Variants in FXR2 observed in about 807,000 individuals in gnomAD.
FXR2 encodes RNA-binding protein FXR2.
Under a neutral mutation model 87.3 loss-of-function variants are expected in FXR2, and 9 were observed. The ratio of observed to expected loss-of-function variants is 0.10; its 90% CI spans 0.06 to 0.18. The LOEUF (loss-of-function observed/expected upper bound fraction) is 0.18. Among genes scored for constraint, FXR2 ranks in the 10% least tolerant of loss-of-function variants. The pLI is 1.00. For missense variants in FXR2, 661 were observed against 893.6 expected, an observed-to-expected ratio of 0.74 and a Z score of 3.32; for synonymous variants, 331 against 328.3, an observed-to-expected ratio of 1.01 and a Z score of -0.09.
Position 7,594,821 on chromosome 17 carries a change from G to A in FXR2, c.832-64C>T, listed in dbSNP as rs1030814553. On this transcript the variant is annotated intron_variant, in intron 8 of 16. Transcript: ENST00000250113. This position sits in a 1 kb window ranked among gnomAD's most constrained non-coding sequence, Gnocchi z 5.1. The stretch of plus-strand genomic sequence containing the variant: ...AGACCAGCTGGATGTGGTGGCTCAC[G>A]CCTGTAATCCCAGCACTTTGGGAGG... 54 of 982,820 alleles carry A rather than the reference G, an allele frequency of 5.5e-5. No homozygotes were observed. The East Asian group carries it at 1.0e-3, about 19-fold the overall frequency. 60.9% of individuals were successfully genotyped at this position (982,820 alleles called of 1,614,324 possible). A position where few individuals can be genotyped will look rare whatever the true frequency, so the allele number is the denominator to read the frequency against.
At chr17:7,607,299 C>T (rs1226028423) in intron 1 of FXR2, among the ~76,000 whole-genome samples, 2 of 138,388 alleles carry the variant, frequency 1.4e-5, no homozygotes, top group Non-Finnish European at 3.1e-5. Context: ...GCCTGGGCAA[C>T]AAGAGCAAAA....
chr17:7,614,513 C>A lies in FXR2; in HGVS notation c.20G>T (p.Gly7Val), dbSNP rs372022316. ...GGGCAGTCCCGGCTCCACATCCCCC[C>A]CAGAGGCCAGGCCGCCCATGGCGCC... MGGLASGGDVEPGLPVE... is the reference protein window; with the variant it reads MGGLASVGDVEPGLPVE... Residue 7 changes from glycine to valine, a missense_variant, in exon 1 of 17, where the codon GGG becomes GTG. Coordinates refer to ENST00000250113, the MANE Select transcript of FXR2 (RefSeq NM_004860.4). 23 of 1,514,456 alleles carry A rather than the reference C, an allele frequency of 1.5e-5. No homozygotes were observed. Among genetic ancestry groups the A allele is most frequent in the African/African-American group, 2.9e-5 (2 of 70,152 alleles). The allele number at this position is 1,514,456 out of a possible 1,614,324, so 93.8% of individuals were successfully genotyped here. A position where few individuals can be genotyped will look rare whatever the true frequency, so the allele number is the denominator to read the frequency against.
At position 7,598,116 on chromosome 17, in the gene FXR2, GC is replaced by G. The variant is rs566372014; in HGVS notation, c.661-2123del. Among the ~76,000 whole-genome samples, 26 of 151,944 alleles carry G rather than the reference GC, an allele frequency of 1.7e-4. No individual in the cohort carries two copies. In the South Asian group the frequency reaches 3.9e-3, roughly 23 times the overall value. On this transcript the variant is annotated intron_variant, in intron 7 of 16. Coordinates refer to ENST00000250113, the MANE Select transcript of FXR2 (RefSeq NM_004860.4). ...GTGCTCTGTTCCTGCTTCCATTCTT[GC>G]CCCCCTTTCCATCTGTCATTGAAAC... is the stretch of plus-strand genomic sequence containing the variant.
At chr17:7,604,249 T>C (rs1373288522) in intron 3 of FXR2, among the ~76,000 whole-genome samples, 169 bp from the exon 4 acceptor site, 6 of 151,244 alleles carry the variant, frequency 4.0e-5, no homozygotes, top group Admixed American at 2.6e-4. Flanking sequence ...TTGGGCAACA[T>C]AAACAATAGA....
At chr17:7,596,139 C>G in intron 7 of FXR2, 145 bp from the exon 8 acceptor site, 2 of 665,576 alleles carry the variant, frequency 3.0e-6, no homozygotes, top group Non-Finnish European at 5.3e-6. Context: ...CCACGAGGAC[C>G]TGTGTGGAAA....
Position 7,594,171 on chromosome 17 carries a change from C to T in FXR2, c.1020+67G>A. 1.0e-6 allele frequency: 1 copy of T among 989,508 alleles called. No homozygotes were observed. The highest frequency in any genetic ancestry group is 1.6e-6 in the Non-Finnish European group (1 of 622,550). 61.3% of individuals were successfully genotyped at this position (989,508 alleles called of 1,614,324 possible). On this transcript the variant is annotated intron_variant, in intron 10 of 16. Transcript: ENST00000250113. This position sits in a 1 kb window ranked among gnomAD's most constrained non-coding sequence, Gnocchi z 5.1. Reference sequence around the variant, plus strand: ...CCACCCTCTCAAAGAACAATCCCAGCCCTCAGAGGACAATCCCATTTACTT... The same window carrying T: ...CCACCCTCTCAAAGAACAATCCCAGTCCTCAGAGGACAATCCCATTTACTT...
chr17:7,593,647 G>C lies in FXR2; in HGVS notation c.1108-22C>G. The stretch of plus-strand genomic sequence containing the variant: ...CCTCCTGGTTGGGTAAAAGATGGAA[G>C]AAGGGGAAGGAGAAATAAGATCAGT... On this transcript the variant is annotated intron_variant, in intron 11 of 16. Transcript: ENST00000250113. The surrounding 1 kb of genome is among the most constrained non-coding windows in gnomAD (Gnocchi z 6.1). 1 of 1,486,596 alleles carries C rather than the reference G, an allele frequency of 6.7e-7. No homozygotes were observed. The highest frequency in any genetic ancestry group is 9.2e-7 in the Non-Finnish European group (1 of 1,087,834). 92.1% of individuals were successfully genotyped at this position (1,486,596 alleles called of 1,614,324 possible). A position where few individuals can be genotyped will look rare whatever the true frequency, so the allele number is the denominator to read the frequency against.
At chr17:7,609,206 G>C (rs1307113840) in intron 1 of FXR2, among the ~76,000 whole-genome samples, 2 of 152,220 alleles carry the variant, frequency 1.3e-5, no homozygotes, top group Non-Finnish European at 2.9e-5. Context: ...AGGGACAAAG[G>C]CTAAGCTTAG....
chr17:7,605,419 ATGT>A (rs2071795130), intron 3 of FXR2, among the ~76,000 whole-genome samples: 1 of 152,196 alleles, frequency 6.6e-6, no homozygotes, highest in East Asian at 1.9e-4. Context: ...TGGATTTTAG[ATGT>A]TGTTACCATA....
rs892306510 is a variant in FXR2 at position 7,595,117 on chromosome 17, A to T, written c.832-360T>A. ...CAGAGTGAGTTAGACTCCATCTCATAAAAAAAAAAAATTAAACAAATAAAT... is the reference window on the plus strand; with the variant it reads ...CAGAGTGAGTTAGACTCCATCTCATTAAAAAAAAAAATTAAACAAATAAAT... On this transcript the variant is annotated intron_variant, in intron 8 of 16. Transcript: ENST00000250113. This position sits in a 1 kb window ranked among gnomAD's most constrained non-coding sequence, Gnocchi z 4.7. 6.8e-6 allele frequency among the ~76,000 whole-genome samples: 1 copy of T among 146,318 alleles called. No homozygotes were observed. The highest frequency in any genetic ancestry group is 1.5e-5 in the Non-Finnish European group (1 of 66,286).
chr17:7,603,670 G>T, intron 5 of FXR2, 87 bp downstream of exon 5: 1 of 1,340,476 alleles, frequency 7.5e-7, no homozygotes, highest in African/African-American at 1.4e-5. Context: ...AGAGAAAACT[G>T]CAAAGTGGGA....
At chr17:7,605,184 C>A (rs1487136257) in intron 3 of FXR2, among the ~76,000 whole-genome samples, 2 of 143,196 alleles carry the variant, frequency 1.4e-5, no homozygotes, top group Non-Finnish European at 2.9e-5. Context: ...GCCTGGCCAA[C>A]ATGGTGAAAC....
rs2071797152 is a variant in FXR2, at chr17:7,605,639, C to A, written c.228+6G>T. 1 of 1,408,090 alleles carries A rather than the reference C, an allele frequency of 7.1e-7. No homozygotes were observed. Among genetic ancestry groups the A allele is most frequent in the African/African-American group, 1.4e-5 (1 of 71,200 alleles). 87.2% of individuals were successfully genotyped at this position (1,408,090 alleles called of 1,614,324 possible). A position where few individuals can be genotyped will look rare whatever the true frequency, so the allele number is the denominator to read the frequency against. On this transcript the variant is annotated splice_donor_region_variant and intron_variant, in intron 3 of 16. Transcript: ENST00000250113. ...CATTTAGAAAGGTGTACTCCACAGCCCTTACCTCCACTTCATCCCCTTCTG... is the reference window on the plus strand; with the variant it reads ...CATTTAGAAAGGTGTACTCCACAGCACTTACCTCCACTTCATCCCCTTCTG...
At chr17:7,610,006 A>ATG (rs36196110) in intron 1 of FXR2, among the ~76,000 whole-genome samples, 3,115 of 95,656 alleles carry the variant, frequency 0.033, 112 homozygotes, top group South Asian at 0.1. Context: ...ATATGTATAC[A>ATG]TATATATATA....
rs1185333649 is a variant in FXR2 at position 7,594,273 on chromosome 17, C to T, written c.985G>A (p.Glu329Lys). Reference protein sequence around the residue: ...DKSGVVRVRVEGDNDKKNPRE... With the variant: ...DKSGVVRVRVKGDNDKKNPRE... ...GGGTTCTTCTTGTCATTATCACCTT[C>T]CACTCGAACCCTCACCACACCAGAT... The change falls in exon 10 of 17, where the codon GAA (glutamate) becomes AAA (lysine). Residue 329 changes from glutamate (E) to lysine (K), a missense_variant. This residue lies in a region of FXR2 where 82 missense variants were observed against 214.4 expected (regional missense o/e 0.38). Transcript: ENST00000250113. This position sits in a 1 kb window ranked among gnomAD's most constrained non-coding sequence, Gnocchi z 5.1. The T allele has an allele frequency of 1.2e-6, 2 of 1,611,580 alleles. No homozygotes were observed. Among genetic ancestry groups the T allele is most frequent in the African/African-American group, 2.7e-5 (2 of 75,002 alleles).
chr17:7,604,087 AAAAGT>A lies in FXR2; in HGVS notation c.229-12_229-8del. On this transcript the variant is annotated splice_region_variant and splice_polypyrimidine_tract_variant and intron_variant, in intron 3 of 16. Coordinates refer to ENST00000250113, the MANE Select transcript of FXR2 (RefSeq NM_004860.4). Reference sequence around the variant, plus strand: ...CATTGGCTCGAGAATAAACCTAAAGAAAAGTAGAGAATCAAAGAGATATTGAAGAC... The same window carrying A: ...CATTGGCTCGAGAATAAACCTAAAGAAGAGAATCAAAGAGATATTGAAGAC... 6.4e-7 allele frequency: 1 copy of A among 1,556,674 alleles called. No individual in the cohort carries two copies. The highest frequency in any genetic ancestry group is 8.7e-7 in the Non-Finnish European group (1 of 1,149,266).
intron 4 of FXR2, 49 bp from the exon 5 acceptor site, chr17:7,603,954 C>T: frequency 6.2e-7 from 1 of 1,610,530 alleles, no homozygotes; most frequent in Non-Finnish European, 8.5e-7. Flanking sequence ...GAGCAACTTT[C>T]TATGAATAAC....
chr17:7,592,804 G>T lies in FXR2; in HGVS notation c.1619C>A (p.Pro540Gln), dbSNP rs772537460. 5.6e-6 allele frequency: 9 copies of T among 1,609,126 alleles called. No homozygotes were observed. The Admixed American group carries it at 6.7e-5, about 12-fold the overall frequency. Residue 540 changes from proline (P) to glutamine (Q), a missense_variant, in exon 14 of 17, where the codon CCA (proline) becomes CAA (glutamine). By Grantham distance (76) the Pro-to-Gln change is moderately conservative (BLOSUM62 -1). Around this residue, in one of 3 missense-constraint regions of FXR2, gnomAD observed 409 missense variants for 432.0 expected, o/e 0.95. Transcript: ENST00000250113. This position sits in a 1 kb window ranked among gnomAD's most constrained non-coding sequence, Gnocchi z 4.8. ...GGAGCGGCGGCGCCTGGCACTTGCT[G>T]GGGGGGGTTCCCCAGGTTCTGAATC... ...PVDSEPGEPP[P>Q]ASARRRRSRR...
At position 7,609,931 on chromosome 17, in the gene FXR2, T is replaced by TATAC. The variant is rs771827089; in HGVS notation, c.82-3783_82-3782insGTAT. Among the ~76,000 whole-genome samples, 492 of 86,800 alleles carry TATAC rather than the reference T, an allele frequency of 5.7e-3. 1 individual carries two copies. The highest frequency in any genetic ancestry group is 7.9e-3 in the Non-Finnish European group (343 of 43,540). 56.9% of individuals were successfully genotyped at this position (86,800 alleles called of 152,430 possible). ...ATATATGTATATATACATGTATATG[T>TATAC]ATATATATACATGTATATGTATACA... On this transcript the variant is annotated intron_variant, in intron 1 of 16. Coordinates refer to ENST00000250113, the MANE Select transcript of FXR2 (RefSeq NM_004860.4).
Sources: allele counts gnomAD v4.1 joint callset (sites outside exome capture counted in the v4.1 genomes callset), GRCh38; gene constraint gnomAD v4.1.1; regional missense constraint gnomAD v4.1.1; non-coding constraint Gnocchi (gnomAD v3.1); transcripts MANE v1.5; gene names NCBI Gene and HGNC (gene_info 2026-07-23, HGNC 2026-07-21).